The following PRKN variants were observed in gnomAD, a reference collection of about 807,000 sequenced individuals.
PRKN encodes parkin RBR E3 ubiquitin protein ligase.
In PRKN, 56 loss-of-function variants were observed where a neutral mutation model predicts 59.5. The observed-to-expected ratio is 0.94, with a 90% confidence interval of 0.76 to 1.18. The LOEUF (loss-of-function observed/expected upper bound fraction) is 1.18, where lower values mean the gene tolerates loss of function less well. Among genes scored for constraint, PRKN ranks in the 50% most tolerant of loss-of-function variants. PRKN has a pLI of 0.00. For missense variants in PRKN, 657 were observed against 596.4 expected (o/e 1.10, Z -1.06); for synonymous variants, 250 against 222.1 (o/e 1.13, Z -1.12).
At chr6:162,126,688 C>A (rs1214682632) in intron 4 of PRKN, among the ~76,000 whole-genome samples, 1 of 152,218 alleles carries the variant, frequency 6.6e-6, no homozygotes, top group South Asian at 2.1e-4. Flanking sequence ...TTTGCAGCTA[C>A]TCTTGGTCCA....
chr6:161,447,964 A>G lies in PRKN; in HGVS notation c.1084-61087T>C, dbSNP rs1789569522. Among the ~76,000 whole-genome samples, 1 of 152,038 alleles carries G rather than the reference A, an allele frequency of 6.6e-6. No homozygotes were observed. Among genetic ancestry groups the G allele is most frequent in the Non-Finnish European group, 1.5e-5 (1 of 68,004 alleles). On this transcript the variant is annotated intron_variant, in intron 9 of 11. Transcript: ENST00000366898. The surrounding 1 kb of genome is among the most constrained non-coding windows in gnomAD (Gnocchi z 4.1). ...ACTGCTTCCTGATTTTTGTGTTGAGATCTTAGACCTTAACCAGACTTATAG... is the reference window on the plus strand; with the variant it reads ...ACTGCTTCCTGATTTTTGTGTTGAGGTCTTAGACCTTAACCAGACTTATAG...
At chr6:162,284,750 T>C (rs1237090273) in intron 2 of PRKN, among the ~76,000 whole-genome samples, 1 of 152,208 alleles carries the variant, frequency 6.6e-6, no homozygotes. Flanking sequence ...GGCCACAGAC[T>C]AGCAGTTCAT....
chr6:162,266,300 G>T (rs776770798), intron 2 of PRKN, among the ~76,000 whole-genome samples: 55 of 67,184 alleles, frequency 8.2e-4, no homozygotes, highest in East Asian at 1.7e-3. Flanking sequence ...CATATATATT[G>T]TGTGTGTGTG....
intron 4 of PRKN, among the ~76,000 whole-genome samples, chr6:162,175,480 C>T (rs1375641310): frequency 6.6e-6 from 1 of 152,092 alleles, no homozygotes; most frequent in Non-Finnish European, 1.5e-5. Context: ...AAGACAATGT[C>T]TTGGAAATCA....
intron 7 of PRKN, among the ~76,000 whole-genome samples, chr6:161,762,048 G>A (rs1186696407): frequency 1.3e-5 from 2 of 152,110 alleles, no homozygotes; most frequent in East Asian, 1.9e-4. Context: ...TGGCATAGAC[G>A]GGACAGAATT....
intron 7 of PRKN, among the ~76,000 whole-genome samples, chr6:161,622,935 C>A (rs1416302238): frequency 1.3e-5 from 2 of 152,218 alleles, no homozygotes; most frequent in Non-Finnish European, 2.9e-5. Context: ...GCTCTTGTGG[C>A]TCATCTGCGT....
chr6:161,867,949 C>T (rs998216538), intron 6 of PRKN, among the ~76,000 whole-genome samples: 7 of 151,462 alleles, frequency 4.6e-5, no homozygotes, highest in East Asian at 2.0e-4. Context: ...TTAGTAGAGA[C>T]GAGGTTTCTC....
rs1780511583 is a variant in PRKN, at chr6:161,562,974, G to A, written c.933+6381C>T. ...TTGGTCCAGGTGGCCTTCATCTTTT[G>A]GCACTGTCCTTCCTGCTCAGTATTT... On this transcript the variant is annotated intron_variant, in intron 8 of 11. Transcript: ENST00000366898. This position sits in a 1 kb window ranked among gnomAD's most constrained non-coding sequence, Gnocchi z 4.3. 6.6e-6 allele frequency among the ~76,000 whole-genome samples: 1 copy of A among 152,054 alleles called. No homozygotes were observed. The highest frequency in any genetic ancestry group is 2.1e-4 in the South Asian group (1 of 4,834).
chr6:161,932,384 A>G (rs1362121592), intron 6 of PRKN, among the ~76,000 whole-genome samples: 1 of 152,168 alleles, frequency 6.6e-6, no homozygotes, highest in African/African-American at 2.4e-5. Flanking sequence ...TTTCCAGAAT[A>G]TCACCTTAAA....
At position 162,192,442 on chromosome 6, in the gene PRKN, A is replaced by ATTT. The variant is rs10534285; in HGVS notation, c.534+8686_534+8688dup. 9.8e-3 allele frequency among the ~76,000 whole-genome samples: 731 copies of ATTT among 74,702 alleles called. 137 individuals are homozygous for ATTT. The highest frequency in any genetic ancestry group is 0.038 in the African/African-American group (591 of 15,598). 49.0% of individuals were successfully genotyped at this position (74,702 alleles called of 152,430 possible). A position where few individuals can be genotyped will look rare whatever the true frequency, so the allele number is the denominator to read the frequency against. ...GGTAAGCATTCAATAAATTATAGGGATTTTTTTTTTTTTTTTTTTTTTTTT... is the reference window on the plus strand; with the variant it reads ...GGTAAGCATTCAATAAATTATAGGGATTTTTTTTTTTTTTTTTTTTTTTTTTTT... On this transcript the variant is annotated intron_variant, in intron 4 of 11. Transcript: ENST00000366898.
chr6:161,968,256 C>G (rs1254199489), intron 6 of PRKN, among the ~76,000 whole-genome samples: 1 of 144,566 alleles, frequency 6.9e-6, no homozygotes, highest in Non-Finnish European at 1.5e-5. Flanking sequence ...CATGGCTGCT[C>G]TCAAACTCCT....
At chr6:161,702,735 T>C (rs763830669) in intron 7 of PRKN, among the ~76,000 whole-genome samples, 1 of 151,988 alleles carries the variant, frequency 6.6e-6, no homozygotes, top group Non-Finnish European at 1.5e-5. Flanking sequence ...AAACAATAAT[T>C]AGAAGATATA....
chr6:161,368,603 G>A (rs1785318957), intron 10 of PRKN, among the ~76,000 whole-genome samples: 1 of 151,728 alleles, frequency 6.6e-6, no homozygotes, highest in African/African-American at 2.4e-5. Context: ...CACCCAGCTT[G>A]TGGTAAAGAC....
chr6:161,863,931 C>A (rs1460820608), intron 6 of PRKN, among the ~76,000 whole-genome samples: 1 of 152,122 alleles, frequency 6.6e-6, no homozygotes. Context: ...AAAGTACATA[C>A]CTTAATTTAA....
At chr6:161,452,226 C>T (rs1789772838) in intron 9 of PRKN, among the ~76,000 whole-genome samples, 1 of 152,200 alleles carries the variant, frequency 6.6e-6, no homozygotes, top group South Asian at 2.1e-4. Context: ...GCTGAGATTA[C>T]AGGCATGAGC....
At chr6:162,435,841 G>T (rs962171856) in intron 2 of PRKN, among the ~76,000 whole-genome samples, 1 of 152,084 alleles carries the variant, frequency 6.6e-6, no homozygotes, top group Non-Finnish European at 1.5e-5. Context: ...GGGTATAATG[G>T]TATTGAGCCT....
At chr6:162,552,495 A>G (rs1779371635) in intron 1 of PRKN, among the ~76,000 whole-genome samples, 2 of 152,152 alleles carry the variant, frequency 1.3e-5, no homozygotes. Flanking sequence ...ATCAAAATCC[A>G]TCAAGTCTTT....
At chr6:162,237,938 T>C (rs1778811641) in intron 3 of PRKN, among the ~76,000 whole-genome samples, 1 of 152,102 alleles carries the variant, frequency 6.6e-6, no homozygotes, top group African/African-American at 2.4e-5. Context: ...AGAACGCACA[T>C]ATTACATTAT....
chr6:162,312,998 A>C (rs1477983117), intron 2 of PRKN, among the ~76,000 whole-genome samples: 3 of 152,224 alleles, frequency 2.0e-5, no homozygotes, highest in African/African-American at 2.4e-5. Context: ...TATATACCTT[A>C]AAAATAATCT....
Sources: gnomAD v4.1 joint callset for allele counts (sites outside exome capture counted in the v4.1 genomes callset) on GRCh38, gnomAD v4.1.1 for gene constraint, Gnocchi (gnomAD v3.1) non-coding constraint, MANE v1.5 for transcripts, NCBI Gene and HGNC (gene_info 2026-07-23, HGNC 2026-07-21) for gene names.